Variants in STK3 observed in about 807,000 individuals in gnomAD.
STK3 encodes the protein serine/threonine-protein kinase 3.
A neutral mutation model predicts 58.0 loss-of-function variants in STK3; 41 were observed. The observed-to-expected ratio is 0.71, with a 90% CI of 0.55 to 0.92. The LOEUF (loss-of-function observed/expected upper bound fraction) is 0.92. Ranked by LOEUF, STK3 falls within the 40% of genes least tolerant of loss-of-function variation. The probability of loss-of-function intolerance (pLI) is 0.00; values close to 1 mark genes in which losing one functional copy is unlikely to be tolerated. For synonymous variants in STK3, 170 were observed against 191.0 expected, an observed-to-expected ratio of 0.89 and a Z score of 0.91; for missense variants, 479 against 602.7, an observed-to-expected ratio of 0.79 and a Z score of 2.15.
intron 6 of STK3, among the ~76,000 whole-genome samples, chr8:98,692,584 T>C (rs73277809): frequency 0.018 from 2,721 of 152,276 alleles, 78 homozygotes; most frequent in African/African-American, 0.063. Context: ...TGGAGAATTA[T>C]TGTTTAATGG....
chr8:98,529,336 C>T (rs1348069298), intron 9 of STK3, among the ~76,000 whole-genome samples: 1 of 152,060 alleles, frequency 6.6e-6, no homozygotes, highest in African/African-American at 2.4e-5. Flanking sequence ...TCTCCTCTTT[C>T]CTTTCTCCCT....
intron 1 of STK3, among the ~76,000 whole-genome samples, chr8:98,923,015 C>T (rs191426007): frequency 3.1e-4 from 47 of 152,220 alleles, no homozygotes; most frequent in African/African-American, 1.1e-3. Flanking sequence ...GTTTGCTGAC[C>T]TCATTTCATG....
At chr8:98,607,181 T>C (rs1816845711) in intron 6 of STK3, among the ~76,000 whole-genome samples, 1 of 152,236 alleles carries the variant, frequency 6.6e-6, no homozygotes, top group Admixed American at 6.5e-5. Context: ...TAAGAAGCAC[T>C]TTTTAGACAA....
chr8:98,663,559 G>A (rs1822122846), intron 6 of STK3, among the ~76,000 whole-genome samples: 1 of 152,168 alleles, frequency 6.6e-6, no homozygotes. Flanking sequence ...CTGCTATAAA[G>A]ACACATGCAC....
At chr8:98,657,103 A>G (rs1821603868) in intron 6 of STK3, among the ~76,000 whole-genome samples, 2 of 152,136 alleles carry the variant, frequency 1.3e-5, no homozygotes, top group African/African-American at 2.4e-5. Context: ...AATGGTTAGA[A>G]GAGCTAAGAA....
At chr8:98,519,720 T>C (rs1342742318) in intron 10 of STK3, among the ~76,000 whole-genome samples, 1 of 152,150 alleles carries the variant, frequency 6.6e-6, no homozygotes, top group African/African-American at 2.4e-5. Flanking sequence ...TTTTTTTCCC[T>C]TCTCTGCCAC....
At chr8:98,651,494 T>C (rs1011607134) in intron 6 of STK3, 1 of 152,264 alleles carries the variant, frequency 6.6e-6, no homozygotes, top group Non-Finnish European at 1.5e-5. Flanking sequence ...GGACGGAGAA[T>C]GACTTTGACG....
intron 3 of STK3, among the ~76,000 whole-genome samples, chr8:98,766,659 C>T (rs981472567): frequency 2.6e-5 from 4 of 152,170 alleles, no homozygotes; most frequent in African/African-American, 7.2e-5. Flanking sequence ...CCTTTACCCT[C>T]GATGCTCTGG....
chr8:98,622,131 T>A (rs1299103528), intron 6 of STK3, among the ~76,000 whole-genome samples: 2 of 146,198 alleles, frequency 1.4e-5, no homozygotes, highest in Admixed American at 6.9e-5. Flanking sequence ...AAAAATTAGC[T>A]GAGTGTGGTG....
rs538764018 is a variant in STK3 at position 98,873,167 on chromosome 8, C to T, written c.110+10480G>A. ...AGCGGTTTTGAGTGAGTTTCTTAAT[C>T]CTGAGTTCTAGTTTGATTGCACTGT... On this transcript the variant is annotated intron_variant, in intron 3 of 12. Transcript: ENST00000523601. 4.6e-5 allele frequency among the ~76,000 whole-genome samples: 7 copies of T among 152,268 alleles called. No homozygotes were observed. In the East Asian group the frequency reaches 1.3e-3, roughly 29 times the overall value.
intron 4 of STK3, among the ~76,000 whole-genome samples, chr8:98,711,785 G>T (rs561766218): frequency 6.6e-6 from 1 of 151,998 alleles, no homozygotes; most frequent in Admixed American, 6.6e-5. Flanking sequence ...TACAGAGAAC[G>T]CCACAAAGAT....
chr8:98,519,381 A>G (rs1396601542), intron 10 of STK3, among the ~76,000 whole-genome samples: 2 of 152,092 alleles, frequency 1.3e-5, no homozygotes, highest in African/African-American at 4.8e-5. Context: ...AGGGCTTACT[A>G]AAGGGGTGGC....
In STK3 at chr8:98,428,537, C is replaced by T. The variant is rs1818279611; in HGVS notation, n.483+5590G>A. On this transcript the variant is annotated intron_variant and non_coding_transcript_variant, in intron 3 of 3. Transcript: ENST00000517832. The surrounding 1 kb of genome is among the most constrained non-coding windows in gnomAD (Gnocchi z 6.7). ...ACAACCCCGGCTACTCAGTGCTGAG[C>T]AGGGTCTTCAGCATCCTGTCCATCC... 6.2e-7 allele frequency: 1 copy of T among 1,614,054 alleles called. No individual in the cohort carries two copies. Among genetic ancestry groups the T allele is most frequent in the Admixed American group, 1.7e-5 (1 of 60,008 alleles).
At chr8:98,869,808 T>TC (rs1837300442) in intron 3 of STK3, among the ~76,000 whole-genome samples, 1 of 151,516 alleles carries the variant, frequency 6.6e-6, no homozygotes, top group East Asian at 1.9e-4. Context: ...ATTTTCTTTT[T>TC]TTTTTCTTTG....
At chr8:98,852,608 C>A (rs1836516903) in intron 3 of STK3, among the ~76,000 whole-genome samples, 2 of 152,198 alleles carry the variant, frequency 1.3e-5, no homozygotes, top group Admixed American at 6.5e-5. Flanking sequence ...TTTCTACTCT[C>A]ATCTTTTCCT....
At chr8:98,893,538 AAAAGAAAG>A (rs1288008353) in intron 1 of STK3, among the ~76,000 whole-genome samples, 1 of 139,780 alleles carries the variant, frequency 7.2e-6, no homozygotes, top group Non-Finnish European at 1.6e-5. Flanking sequence ...GAAAGAAAGA[AAAAGAAAG>A]AGAAAGAGAA....
intron 8 of STK3, among the ~76,000 whole-genome samples, chr8:98,565,061 A>G (rs958371530): frequency 6.6e-6 from 1 of 152,204 alleles, no homozygotes; most frequent in African/African-American, 2.4e-5. Flanking sequence ...AACTTAAAAA[A>G]TTGAGAAAAT....
In STK3 at chr8:98,751,777, C is replaced by A. The variant is rs183551232; in HGVS notation, c.237-2387G>T. The stretch of plus-strand genomic sequence containing the variant: ...CAACACGGTGAAACCCCCATCTCTA[C>A]TACAAATACAAAATTAGCTGGGCAT... On this transcript the variant is annotated intron_variant, in intron 3 of 10. Coordinates refer to ENST00000419617, the MANE Select transcript of STK3 (RefSeq NM_006281.4). Among the ~76,000 whole-genome samples the A allele has an allele frequency of 2.7e-3, 405 of 152,154 alleles. 2 individuals carry two copies. Among genetic ancestry groups the A allele is most frequent in the Non-Finnish European group, 4.5e-3 (303 of 67,976 alleles).
chr8:98,360,521 T>A, the STK3 span, among the ~76,000 whole-genome samples: 1 of 152,078 alleles, frequency 6.6e-6, no homozygotes, highest in African/African-American at 2.4e-5. Context: ...CTTTCTTTTT[T>A]TTTTTTTCAT....
Sources: allele counts gnomAD v4.1 joint callset (sites outside exome capture counted in the v4.1 genomes callset), GRCh38; gene constraint gnomAD v4.1.1; non-coding constraint Gnocchi (gnomAD v3.1); transcripts MANE v1.5; gene names NCBI Gene and HGNC (gene_info 2026-07-23, HGNC 2026-07-21).